The following DOCK5 variants were observed in gnomAD, a reference collection of about 807,000 sequenced individuals.
DOCK5 encodes dedicator of cytokinesis 5.
Under a neutral mutation model 251.8 loss-of-function variants are expected in DOCK5, and 142 were observed. The observed-to-expected ratio is 0.56, with a 90% CI of 0.49 to 0.65. The LOEUF (loss-of-function observed/expected upper bound fraction) is 0.65, where lower values mean the gene tolerates loss of function less well. Among genes scored for constraint, DOCK5 ranks in the 30% least tolerant of loss-of-function variants. The pLI is 0.00. For synonymous variants in DOCK5, 842 were observed against 835.5 expected (o/e 1.01, Z -0.13); for missense variants, 2,111 against 2,312.3 (o/e 0.91, Z 1.79).
intron 1 of DOCK5, among the ~76,000 whole-genome samples, chr8:25,193,944 C>T (rs540036329): frequency 8.6e-5 from 13 of 151,950 alleles, no homozygotes; most frequent in East Asian, 1.9e-4. Flanking sequence ...TAGGTGAATT[C>T]GCAAATATGG....
chr8:25,191,924 C>A (rs1378588273), intron 1 of DOCK5, among the ~76,000 whole-genome samples: 4 of 110,166 alleles, frequency 3.6e-5, no homozygotes, highest in African/African-American at 1.1e-4. Flanking sequence ...CCCCTCCCCC[C>A]ACCCCACAAC....
intron 6 of DOCK5, among the ~76,000 whole-genome samples, chr8:25,294,401 C>T (rs771359398): frequency 9.2e-5 from 14 of 152,186 alleles, no homozygotes; most frequent in Non-Finnish European, 1.9e-4. Flanking sequence ...TGGCACATTG[C>T]AGTGTTATCC....
chr8:25,245,585 GCTGGAGTGCAGTGGCACAAT>G (rs1017818020), intron 2 of DOCK5, among the ~76,000 whole-genome samples: 1 of 150,802 alleles, frequency 6.6e-6, no homozygotes, highest in African/African-American at 2.5e-5. Context: ...TGTCGTCCAG[GCTGGAGTGCAGTGGCACAAT>G]CTGAGCTCAC....
At position 25,317,009 on chromosome 8, in the gene DOCK5, G is replaced by T. The variant is rs752077426; in HGVS notation, c.1321G>T (p.Asp441Tyr). The change falls in exon 14 of 52, where the codon GAT becomes TAT. Residue 441 changes from aspartate to tyrosine, a missense_variant and splice_region_variant. This residue lies in a region of DOCK5 where 1,717 missense variants were observed against 1,892.4 expected (regional missense o/e 0.91). Transcript: ENST00000276440. The part of the protein sequence containing the change: ...MGFPEIILPG[D>Y]VRNDIYVTLI... ...ACAGCATGCTTATCATGTTGCAGGA[G>T]ATGTTCGGAATGACATTTATGTCAC... 2 of 1,613,724 alleles carry T rather than the reference G, an allele frequency of 1.2e-6. No homozygotes were observed. The highest frequency in any genetic ancestry group is 1.3e-5 in the African/African-American group (1 of 74,900).
chr8:25,412,792 C>T lies in DOCK5; in HGVS notation c.*1494C>T. The T allele has an allele frequency of 6.6e-6, 1 of 152,314 alleles. No homozygotes were observed. Among genetic ancestry groups the T allele is most frequent in the Non-Finnish European group, 1.5e-5 (1 of 68,058 alleles). 9.4% of individuals were successfully genotyped at this position (152,314 alleles called of 1,614,324 possible). On this transcript the variant is annotated 3_prime_UTR_variant, in exon 52 of 52. Coordinates refer to ENST00000276440, the MANE Select transcript of DOCK5 (RefSeq NM_024940.8). ...GCTGCCAGAGCTGGTATTTGCCTGC[C>T]TGATTCTCTGTGTTTCCTGTTTCAC... is the stretch of plus-strand genomic sequence containing the variant.
chr8:25,399,361 T>C (rs751050640), intron 45 of DOCK5, among the ~76,000 whole-genome samples: 40 of 152,236 alleles, frequency 2.6e-4, no homozygotes, highest in Non-Finnish European at 4.6e-4. Context: ...TCTTCACATC[T>C]ACATCTCATT....
intron 1 of DOCK5, among the ~76,000 whole-genome samples, chr8:25,192,711 T>G (rs1801616630): frequency 6.6e-6 from 1 of 152,188 alleles, no homozygotes; most frequent in Non-Finnish European, 1.5e-5. Context: ...AGGGTTTCAC[T>G]GTGTTTCCCA....
Position 25,411,281 on chromosome 8 carries a change from G to C in DOCK5, c.5596G>C (p.Glu1866Gln), listed in dbSNP as rs1269768654. The C allele has an allele frequency of 1.3e-6, 2 of 1,560,970 alleles. No homozygotes were observed. Among genetic ancestry groups the C allele is most frequent in the East Asian group, 2.6e-5 (1 of 38,802 alleles). Reference sequence around the variant, plus strand: ...TCGGAAGTCTGGCATCCCTACTTCCGAGCCTGGATCCCAGTAAGGATCTTG... The same window carrying C: ...TCGGAAGTCTGGCATCCCTACTTCCCAGCCTGGATCCCAGTAAGGATCTTG... Reference protein sequence around the residue: ...KARKSGIPTSEPGSQ With the variant: ...KARKSGIPTSQPGSQ Residue 1866 changes from glutamate to glutamine, a missense_variant, in exon 52 of 52, where the codon GAG becomes CAG. Coordinates refer to ENST00000276440, the MANE Select transcript of DOCK5 (RefSeq NM_024940.8).
chr8:25,229,983 G>T (rs1802628335), intron 1 of DOCK5, among the ~76,000 whole-genome samples: 1 of 152,044 alleles, frequency 6.6e-6, no homozygotes, highest in Non-Finnish European at 1.5e-5. Context: ...CTTTATTCAG[G>T]TCATAGTTTT....
At chr8:25,342,691 GTTTTTTTTTTTT>G (rs1201632677) in intron 25 of DOCK5, among the ~76,000 whole-genome samples, 184 bp downstream of exon 25, 6 of 72,070 alleles carry the variant, frequency 8.3e-5, no homozygotes, top group African/African-American at 2.9e-4. Context: ...GTTTTTTCTT[GTTTTTTTTTTTT>G]TTTTTTTTTT....
In DOCK5 at chr8:25,271,098, C is replaced by T. The variant is rs565321375; in HGVS notation, c.168+2213C>T. 2.2e-3 allele frequency: 792 copies of T among 353,690 alleles called. 1 individual carries two copies. Among genetic ancestry groups the T allele is most frequent in the Non-Finnish European group, 3.3e-3 (658 of 197,912 alleles). 21.9% of individuals were successfully genotyped at this position (353,690 alleles called of 1,614,324 possible). On this transcript the variant is annotated intron_variant, in intron 3 of 51. Coordinates refer to ENST00000276440, the MANE Select transcript of DOCK5 (RefSeq NM_024940.8). ...ATAAAAATCAGTCTAGCTAATAGTG[C>T]CATTGTTGTTGGCTTTGAACAGTAG...
chr8:25,268,088 T>TAA (rs1394547356), intron 2 of DOCK5, among the ~76,000 whole-genome samples: 10 of 151,926 alleles, frequency 6.6e-5, no homozygotes, highest in Non-Finnish European at 1.5e-4. Flanking sequence ...GTCTTAAACT[T>TAA]CTGACGTCAT....
Position 25,331,797 on chromosome 8 carries a change from TATATAGAGAGAGAGAG to T in DOCK5, c.1904-452_1904-437del, listed in dbSNP as rs1320059102. ...AAATTAATGCATATATATATATATA[TATATAGAGAGAGAGAG>T]AGAGAGAGAGAGAGAGAGAGAGAGA... On this transcript the variant is annotated intron_variant, in intron 18 of 51. Transcript: ENST00000276440. 5.5e-3 allele frequency among the ~76,000 whole-genome samples: 220 copies of T among 40,066 alleles called. 1 individual carries two copies. The highest frequency in any genetic ancestry group is 0.011 in the African/African-American group (210 of 18,336). The allele number at this position is 40,066 out of a possible 152,430, so 26.3% of individuals were successfully genotyped here. A position where few individuals can be genotyped will look rare whatever the true frequency, so the allele number is the denominator to read the frequency against.
At chr8:25,326,270 C>T (rs1805560732) in intron 18 of DOCK5, among the ~76,000 whole-genome samples, 1 of 152,056 alleles carries the variant, frequency 6.6e-6, no homozygotes, top group Non-Finnish European at 1.5e-5. Context: ...GAGACTGTTG[C>T]CTTTGGCCTT....
intron 6 of DOCK5, among the ~76,000 whole-genome samples, chr8:25,295,396 A>AG (rs1382171249): frequency 6.6e-6 from 1 of 151,262 alleles, no homozygotes; most frequent in East Asian, 1.9e-4. Flanking sequence ...AAAAAAATAA[A>AG]AATAAATAAA....
rs201374034 is a variant in DOCK5, at chr8:25,366,934, C to T, written c.3188C>T (p.Thr1063Ile). ...ACCCATGAGTCCCTTCAGCTTGAAA[C>T]CTTCTCACAAGCCAAGCGCAACAAA... is the stretch of plus-strand genomic sequence containing the variant. ...FLTHESLQLE[T>I]FSQAKRNKIV... is the part of the protein sequence containing the mutation. Residue 1063 changes from threonine (T) to isoleucine (I), a missense_variant, in exon 31 of 52, where the codon ACC becomes ATC. Transcript: ENST00000276440. The T allele has an allele frequency of 9.5e-5, 153 of 1,613,836 alleles. 1 individual carries two copies. In the East Asian group the frequency reaches 2.5e-3, roughly 26 times the overall value.
chr8:25,396,763 C>CGTGTGTGTGGGTGTGTGTGTGT (rs1801352196), intron 45 of DOCK5, among the ~76,000 whole-genome samples: 1 of 147,110 alleles, frequency 6.8e-6, no homozygotes. Context: ...CTCTTGTGTC[C>CGTGTGTGTGGGTGTGTGTGTGT]GTGTGTGTGT....
chr8:25,193,580 G>T (rs1259379318), intron 1 of DOCK5, among the ~76,000 whole-genome samples: 1 of 148,888 alleles, frequency 6.7e-6, no homozygotes, highest in Non-Finnish European at 1.5e-5. Flanking sequence ...GGGCAACGTT[G>T]TGCAACCCCG....
At chr8:25,323,822 T>C in intron 16 of DOCK5, 26 bp from the exon 17 acceptor site, 2 of 1,606,982 alleles carry the variant, frequency 1.2e-6, no homozygotes, top group Non-Finnish European at 1.7e-6. Context: ...TCTGCACTGC[T>C]CAGACATGTC....
Sources: gnomAD v4.1 joint callset for allele counts (sites outside exome capture counted in the v4.1 genomes callset) on GRCh38, gnomAD v4.1.1 for gene constraint, gnomAD v4.1.1 regional missense constraint, MANE v1.5 for transcripts, NCBI Gene and HGNC (gene_info 2026-07-23, HGNC 2026-07-21) for gene names.